The following ATP2A2 variants were observed in gnomAD, a reference collection of about 807,000 sequenced individuals.
ATP2A2 encodes sarcoplasmic/endoplasmic reticulum calcium ATPase 2.
ATP2A2 carries 14 observed loss-of-function variants against 109.3 expected under a neutral mutation model. The ratio of observed to expected loss-of-function variants is 0.13; its 90% CI spans 0.08 to 0.20. The LOEUF is 0.20. Among genes scored for constraint, ATP2A2 ranks in the 10% least tolerant of loss-of-function variants. The pLI is 1.00. For synonymous variants in ATP2A2, 506 were observed against 490.9 expected, an observed-to-expected ratio of 1.03 and a Z score of -0.41; for missense variants, 657 against 1,321.6, an observed-to-expected ratio of 0.50 and a Z score of 7.80.
intron 3 of ATP2A2, among the ~76,000 whole-genome samples, chr12:110,291,406 A>G (rs570288785): frequency 1.8e-4 from 26 of 142,562 alleles, no homozygotes; most frequent in Non-Finnish European, 3.4e-4. Context: ...GGGTTTCGCC[A>G]TGTCGGCCAG....
chr12:110,304,593 C>T (rs1188723513), intron 5 of ATP2A2, among the ~76,000 whole-genome samples: 1 of 152,052 alleles, frequency 6.6e-6, no homozygotes, highest in South Asian at 2.1e-4. Context: ...TGGAGAAATG[C>T]CTGTTTAAAT....
chr12:110,342,123 A>T lies in ATP2A2; in HGVS notation c.2098-105A>T, dbSNP rs1350560221. ...TCTAAAACTCTTTGCCAAGAGACCT[A>T]CGGCTCTATTCATTTTCCTCCTGCT... is the stretch of plus-strand genomic sequence containing the variant. On this transcript the variant is annotated intron_variant, in intron 14 of 19. Coordinates refer to ENST00000539276, the MANE Select transcript of ATP2A2 (RefSeq NM_170665.4). The surrounding 1 kb of genome is among the most constrained non-coding windows in gnomAD (Gnocchi z 4.6). 7.8e-7 allele frequency: 1 copy of T among 1,288,624 alleles called. No individual in the cohort carries two copies. Among genetic ancestry groups the T allele is most frequent in the South Asian group, 1.2e-5 (1 of 83,260 alleles). 79.8% of individuals were successfully genotyped at this position (1,288,624 alleles called of 1,614,324 possible).
In ATP2A2 at chr12:110,348,948, CCTGA is replaced by C. The variant is rs1880140975; in HGVS notation, c.*2481_*2484del. On this transcript the variant is annotated 3_prime_UTR_variant, in exon 20 of 20. Coordinates refer to ENST00000539276, the MANE Select transcript of ATP2A2 (RefSeq NM_170665.4). ...TCCGTGCAAACAAAACTCAGCTTTT[CCTGA>C]CTCAGTTCCTTGACTTAGTGGCCTT... is the stretch of plus-strand genomic sequence containing the variant. 6 of 985,456 alleles carry C rather than the reference CCTGA, an allele frequency of 6.1e-6. No individual in the cohort carries two copies. The highest frequency in any genetic ancestry group is 7.2e-6 in the Non-Finnish European group (6 of 829,962). The allele number at this position is 985,456 out of a possible 1,614,324, so 61.0% of individuals were successfully genotyped here. A position where few individuals can be genotyped will look rare whatever the true frequency, so the allele number is the denominator to read the frequency against.
In ATP2A2 at chr12:110,323,079, A is replaced by G. The variant is rs371780943; in HGVS notation, c.544+7A>G. The G allele has an allele frequency of 6.9e-6, 11 of 1,592,072 alleles. No individual in the cohort carries two copies. In the African/African-American group the frequency reaches 1.2e-4, roughly 18 times the overall value. Reference sequence around the variant, plus strand: ...GACCAGTCAATTCTCACAGGTAAATATGATATATTAAGTCATTGAATTTCT... The same window carrying G: ...GACCAGTCAATTCTCACAGGTAAATGTGATATATTAAGTCATTGAATTTCT... On this transcript the variant is annotated splice_region_variant and intron_variant, in intron 6 of 19. Coordinates refer to ENST00000539276, the MANE Select transcript of ATP2A2 (RefSeq NM_170665.4).
chr12:110,300,423 C>T lies in ATP2A2; in HGVS notation c.463+3686C>T, dbSNP rs149939153. On this transcript the variant is annotated intron_variant, in intron 5 of 19. Transcript: ENST00000539276. ...AGGCTGGAGTGCAGTGGCACGATTGCGGCCCACTGCAAGCTTCGCCTCCCA... is the reference window on the plus strand; with the variant it reads ...AGGCTGGAGTGCAGTGGCACGATTGTGGCCCACTGCAAGCTTCGCCTCCCA... 5.9e-3 allele frequency among the ~76,000 whole-genome samples: 836 copies of T among 141,398 alleles called. 9 individuals are homozygous for T. The highest frequency in any genetic ancestry group is 0.021 in the African/African-American group (772 of 37,374). 92.8% of individuals were successfully genotyped at this position (141,398 alleles called of 152,430 possible).
intron 5 of ATP2A2, among the ~76,000 whole-genome samples, chr12:110,300,394 G>A (rs1357146407): frequency 1.6e-5 from 2 of 125,804 alleles, no homozygotes; most frequent in African/African-American, 3.1e-5. Flanking sequence ...TTGAACTGTC[G>A]CCCAGGCTGG....
Position 110,347,628 on chromosome 12 carries a change from T to C in ATP2A2, c.*1158T>C, listed in dbSNP as rs1216783477. The C allele has an allele frequency of 1.7e-6, 2 of 1,204,554 alleles. No homozygotes were observed. The highest frequency in any genetic ancestry group is 3.2e-4 in the Middle Eastern group (1 of 3,116). The allele number at this position is 1,204,554 out of a possible 1,614,324, so 74.6% of individuals were successfully genotyped here. On this transcript the variant is annotated 3_prime_UTR_variant, in exon 20 of 20. Coordinates refer to ENST00000539276, the MANE Select transcript of ATP2A2 (RefSeq NM_170665.4). ...AATAGCACATGACCAAATGAACATA[T>C]TGTATAGAACTATTTTTATTTGAAT... is the stretch of plus-strand genomic sequence containing the variant.
At chr12:110,311,646 A>G (rs1159529503) in intron 5 of ATP2A2, among the ~76,000 whole-genome samples, 2 of 144,616 alleles carry the variant, frequency 1.4e-5, no homozygotes, top group African/African-American at 5.1e-5. Context: ...AGTGTGAGCT[A>G]TAGCGTCCAG....
At position 110,294,344 on chromosome 12, in the gene ATP2A2, T is replaced by C. The variant is rs1035554132; in HGVS notation, c.324+2220T>C. Among the ~76,000 whole-genome samples, 17 of 151,632 alleles carry C rather than the reference T, an allele frequency of 1.1e-4. No individual in the cohort carries two copies. In the East Asian group the frequency reaches 1.2e-3, roughly 10 times the overall value. On this transcript the variant is annotated intron_variant, in intron 4 of 19. Coordinates refer to ENST00000539276, the MANE Select transcript of ATP2A2 (RefSeq NM_170665.4). ...AAGTGTGAGCCACTGTGCCTGGCCTTCTTCTTATGTTTTTCTCAAAAAAAT... is the reference window on the plus strand; with the variant it reads ...AAGTGTGAGCCACTGTGCCTGGCCTCCTTCTTATGTTTTTCTCAAAAAAAT...
Position 110,327,747 on chromosome 12 carries a change from T to C in ATP2A2, c.825T>C (p.Asn275=). 1 of 1,614,148 alleles carries C rather than the reference T, an allele frequency of 6.2e-7. No individual in the cohort carries two copies. Among genetic ancestry groups the C allele is most frequent in the South Asian group, 1.1e-5 (1 of 91,086 alleles). ...TTTGCATTGCAGTCTGGATCATAAATATTGGGCACTTCAATGACCCGGTTC... is the reference window on the plus strand; with the variant it reads ...TTTGCATTGCAGTCTGGATCATAAACATTGGGCACTTCAATGACCCGGTTC... The part of the protein sequence containing the change: ...SLICIAVWII[N]IGHFNDPVHG... The change falls in exon 8 of 20, where the codon AAT becomes AAC. Residue 275 remains asparagine (N), a synonymous_variant. Coordinates refer to ENST00000539276, the MANE Select transcript of ATP2A2 (RefSeq NM_170665.4). This position sits in a 1 kb window ranked among gnomAD's most constrained non-coding sequence, Gnocchi z 4.4.
rs1872256930 is a variant in ATP2A2 at position 110,282,627 on chromosome 12, CTT to C, written c.136+7_136+8del. The stretch of plus-strand genomic sequence containing the variant: ...AGAGTTACCGGCTGAAGAAGGTAAT[CTT>C]AACATGCTGTTTCTGTTTTTTTTCC... On this transcript the variant is annotated splice_region_variant and intron_variant, in intron 2 of 19. Transcript: ENST00000539276. 1.9e-6 allele frequency: 3 copies of C among 1,613,566 alleles called. No homozygotes were observed. The highest frequency in any genetic ancestry group is 1.7e-6 in the Non-Finnish European group (2 of 1,179,938).
chr12:110,317,420 G>GTT (rs147920837), intron 5 of ATP2A2, among the ~76,000 whole-genome samples: 4 of 151,714 alleles, frequency 2.6e-5, no homozygotes, highest in Admixed American at 6.6e-5. Flanking sequence ...GTTTGTTTGG[G>GTT]TTTTTTTTGA....
At chr12:110,314,054 G>A (rs1020763581) in intron 5 of ATP2A2, among the ~76,000 whole-genome samples, 1 of 151,596 alleles carries the variant, frequency 6.6e-6, no homozygotes, top group East Asian at 2.0e-4. Context: ...TGGTGGCCGG[G>A]TACACTGGCT....
At chr12:110,300,411 G>A (rs1230097910) in intron 5 of ATP2A2, among the ~76,000 whole-genome samples, 1 of 141,286 alleles carries the variant, frequency 7.1e-6, no homozygotes, top group Non-Finnish European at 1.5e-5. Flanking sequence ...CTGGAGTGCA[G>A]TGGCACGATT....
Position 110,282,609 on chromosome 12 carries a change from C to A in ATP2A2, c.124C>A (p.Pro42Thr). The A allele has an allele frequency of 6.2e-7, 1 of 1,613,876 alleles. No homozygotes were observed. The highest frequency in any genetic ancestry group is 1.1e-5 in the South Asian group (1 of 91,080). Residue 42 changes from proline to threonine, a missense_variant, in exon 2 of 20, where the codon CCG (proline) becomes ACG (threonine). Around this residue, in one of 9 missense-constraint regions of ATP2A2, gnomAD observed 64 missense variants for 65.4 expected, o/e 0.98. Coordinates refer to ENST00000539276, the MANE Select transcript of ATP2A2 (RefSeq NM_170665.4). ...CGAATTTCTACATTCTACAGAGTTA[C>A]CGGCTGAAGAAGGTAATCTTAACAT... ...LKERWGSNELPAEEGKTLLEL... is the reference protein window; with the variant it reads ...LKERWGSNELTAEEGKTLLEL...
At chr12:110,312,058 A>G (rs1412503766) in intron 5 of ATP2A2, among the ~76,000 whole-genome samples, 32 of 152,054 alleles carry the variant, frequency 2.1e-4, no homozygotes, top group Admixed American at 2.0e-3. Flanking sequence ...GTGCTCCTGT[A>G]GTCCCTGCTT....
In ATP2A2 at chr12:110,342,067, GT is replaced by G. The variant is rs1879408148; in HGVS notation, c.2098-157del. Among the ~76,000 whole-genome samples, 1 of 152,180 alleles carries G rather than the reference GT, an allele frequency of 6.6e-6. No homozygotes were observed. Among genetic ancestry groups the G allele is most frequent in the Non-Finnish European group, 1.5e-5 (1 of 68,032 alleles). On this transcript the variant is annotated intron_variant, in intron 14 of 19. Coordinates refer to ENST00000539276, the MANE Select transcript of ATP2A2 (RefSeq NM_170665.4). This position sits in a 1 kb window ranked among gnomAD's most constrained non-coding sequence, Gnocchi z 4.6. The stretch of plus-strand genomic sequence containing the variant: ...ATTTTACATTTCCTAGGTAAAATGT[GT>G]TTTGTGACACCAACTTATGAAACAA...
chr12:110,283,498 A>G (rs1316152878), intron 3 of ATP2A2, among the ~76,000 whole-genome samples: 1 of 152,232 alleles, frequency 6.6e-6, no homozygotes, highest in Non-Finnish European at 1.5e-5. Context: ...AATGCAAAGA[A>G]CTACAGCAGA....
In ATP2A2 at chr12:110,289,950, T is replaced by C. The variant is rs551899543; in HGVS notation, c.220-2070T>C. On this transcript the variant is annotated intron_variant, in intron 3 of 19. Transcript: ENST00000539276. Reference sequence around the variant, plus strand: ...TGGGAAGTGCAGTGTGACTCTTACTTTGTAGTTTTTAAATCTTAACAAGTT... The same window carrying C: ...TGGGAAGTGCAGTGTGACTCTTACTCTGTAGTTTTTAAATCTTAACAAGTT... Among the ~76,000 whole-genome samples, 5 of 152,354 alleles carry C rather than the reference T, an allele frequency of 3.3e-5. No homozygotes were observed. The East Asian group carries it at 9.6e-4, about 29-fold the overall frequency.
Sources: allele counts gnomAD v4.1 joint callset (sites outside exome capture counted in the v4.1 genomes callset), GRCh38; gene constraint gnomAD v4.1.1; regional missense constraint gnomAD v4.1.1; non-coding constraint Gnocchi (gnomAD v3.1); transcripts MANE v1.5; gene names NCBI Gene and HGNC (gene_info 2026-07-23, HGNC 2026-07-21).